PTPRO: variants seen among roughly 807,000 people sequenced by gnomAD.
The protein encoded by PTPRO is receptor-type tyrosine-protein phosphatase O.
Under a neutral mutation model 145.2 loss-of-function variants are expected in PTPRO, and 62 were observed. That is an observed-to-expected ratio of 0.43 (90% confidence interval 0.35 to 0.53). PTPRO has a LOEUF of 0.53. PTPRO is among the 20% of genes least tolerant of loss of function. The probability of loss-of-function intolerance (pLI) is 0.01; values close to 1 mark genes in which losing one functional copy is unlikely to be tolerated. For missense variants in PTPRO, 1,345 were observed against 1,482.7 expected (o/e 0.91, Z 1.53); for synonymous variants, 565 against 514.7 (o/e 1.10, Z -1.32).
intron 1 of PTPRO, among the ~76,000 whole-genome samples, chr12:15,354,981 AT>A (rs1937938383): frequency 6.6e-6 from 1 of 152,080 alleles, no homozygotes; most frequent in Middle Eastern, 3.4e-3. Flanking sequence ...CCCCCAATAC[AT>A]TTTCCCCTGG....
At position 15,403,464 on chromosome 12, in the gene PTPRO, T is replaced by A. The variant is rs139162461; in HGVS notation, c.76-80510T>A. ...CGGGCGTGGTGGCACACACCTGTAGTCCCAGATACTCTGGAGGCTGAGTCA... is the reference window on the plus strand; with the variant it reads ...CGGGCGTGGTGGCACACACCTGTAGACCCAGATACTCTGGAGGCTGAGTCA... On this transcript the variant is annotated intron_variant, in intron 1 of 26. Coordinates refer to ENST00000281171, the MANE Select transcript of PTPRO (RefSeq NM_030667.3). 8.6e-3 allele frequency among the ~76,000 whole-genome samples: 1,314 copies of A among 152,158 alleles called. 22 individuals are homozygous for A. Among genetic ancestry groups the A allele is most frequent in the African/African-American group, 0.03 (1,258 of 41,508 alleles).
At chr12:15,470,821 G>A (rs1009315987) in intron 1 of PTPRO, among the ~76,000 whole-genome samples, 1 of 152,218 alleles carries the variant, frequency 6.6e-6, no homozygotes, top group African/African-American at 2.4e-5. Context: ...ATGAGTAATG[G>A]TCAAGGAAAT....
At chr12:15,383,333 C>CATAT (rs56786902) in intron 1 of PTPRO, among the ~76,000 whole-genome samples, 2,610 of 152,114 alleles carry the variant, frequency 0.017, 47 homozygotes, top group South Asian at 0.084. Flanking sequence ...TATTCCATTG[C>CATAT]ATATATATAC....
intron 1 of PTPRO, among the ~76,000 whole-genome samples, chr12:15,462,558 G>A (rs1565644115): frequency 6.6e-6 from 1 of 152,120 alleles, no homozygotes; most frequent in African/African-American, 2.4e-5. Context: ...CTCTGTGAGG[G>A]CTGAGACCAG....
Position 15,524,805 on chromosome 12 carries a change from C to A in PTPRO, c.1892-9C>A. 6.2e-7 allele frequency: 1 copy of A among 1,610,886 alleles called. No individual in the cohort carries two copies. Among genetic ancestry groups the A allele is most frequent in the East Asian group, 2.2e-5 (1 of 44,824 alleles). On this transcript the variant is annotated splice_polypyrimidine_tract_variant and intron_variant, in intron 10 of 26. Transcript: ENST00000281171. ...TTATACTAAATTGTGCCTCGTTTCT[C>A]CCTTGTAGCCCCAGTGGCTCCGGAA...
intron 12 of PTPRO, among the ~76,000 whole-genome samples, chr12:15,536,840 A>T (rs1943075463): frequency 6.6e-6 from 1 of 152,204 alleles, no homozygotes. Flanking sequence ...CATTTTTGAT[A>T]AATTACATGG....
intron 1 of PTPRO, among the ~76,000 whole-genome samples, chr12:15,342,250 G>A (rs1867019289): frequency 6.6e-6 from 1 of 152,006 alleles, no homozygotes. Flanking sequence ...TCTGTCTAAT[G>A]GCAACTATTT....
intron 1 of PTPRO, among the ~76,000 whole-genome samples, chr12:15,338,299 G>A (rs1165516341): frequency 1.3e-5 from 2 of 152,136 alleles, no homozygotes; most frequent in African/African-American, 2.4e-5. Context: ...GTATGTGTGT[G>A]TGGCACTCTG....
At chr12:15,433,498 A>T (rs1008951366) in intron 1 of PTPRO, among the ~76,000 whole-genome samples, 1 of 152,152 alleles carries the variant, frequency 6.6e-6, no homozygotes, top group Non-Finnish European at 1.5e-5. Flanking sequence ...TAGGCTTTAC[A>T]TTTAAGTCTT....
At chr12:15,422,265 TC>T (rs1433972603) in intron 1 of PTPRO, among the ~76,000 whole-genome samples, 1 of 152,162 alleles carries the variant, frequency 6.6e-6, no homozygotes, top group Non-Finnish European at 1.5e-5. Context: ...AACCAGGTTT[TC>T]TTGTTTTTTG....
chr12:15,526,477 G>A (rs901448519), intron 12 of PTPRO, among the ~76,000 whole-genome samples: 3 of 152,088 alleles, frequency 2.0e-5, no homozygotes, highest in Non-Finnish European at 4.4e-5. Flanking sequence ...AGTGGTGTTC[G>A]CTGTTCTTTG....
chr12:15,464,571 G>A (rs983218415), intron 1 of PTPRO, among the ~76,000 whole-genome samples: 2 of 150,782 alleles, frequency 1.3e-5, no homozygotes, highest in Admixed American at 6.6e-5. Flanking sequence ...CACCATCTTG[G>A]CCAGGCAGGT....
At chr12:15,335,906 A>G (rs898891653) in intron 1 of PTPRO, among the ~76,000 whole-genome samples, 19 of 152,186 alleles carry the variant, frequency 1.2e-4, no homozygotes, top group African/African-American at 4.6e-4. Context: ...GAAACTAATG[A>G]GAATCTTTCC....
chr12:15,527,209 GA>G (rs774317987), intron 12 of PTPRO, among the ~76,000 whole-genome samples: 11 of 152,170 alleles, frequency 7.2e-5, no homozygotes, highest in Non-Finnish European at 1.2e-4. Context: ...ATAGAGAAGT[GA>G]AAATACTCTG....
At chr12:15,362,152 A>T (rs1405122727) in intron 1 of PTPRO, among the ~76,000 whole-genome samples, 1 of 152,200 alleles carries the variant, frequency 6.6e-6, no homozygotes, top group African/African-American at 2.4e-5. Context: ...GGATGTTGCC[A>T]TTGCTGAAGC....
At position 15,580,123 on chromosome 12, in the gene PTPRO, G is replaced by GA. The variant is rs751345733; in HGVS notation, c.2997+18dup. 2.2e-3 allele frequency: 3,379 copies of GA among 1,510,304 alleles called. 1 individual carries two copies. Among genetic ancestry groups the GA allele is most frequent in the East Asian group, 5.9e-3 (246 of 42,008 alleles). 93.6% of individuals were successfully genotyped at this position (1,510,304 alleles called of 1,614,324 possible). ...AATGCCAACTATATTCCTGTAAGTA[G>GA]AAAAAAAAAATCAGGCATCCCAAAG... On this transcript the variant is annotated intron_variant, in intron 21 of 26. Transcript: ENST00000281171.
chr12:15,528,961 A>G (rs1380627306), intron 12 of PTPRO, among the ~76,000 whole-genome samples: 1 of 152,222 alleles, frequency 6.6e-6, no homozygotes, highest in Non-Finnish European at 1.5e-5. Flanking sequence ...CAGAAAAACA[A>G]AAGATGAAAG....
chr12:15,549,646 G>T (rs1232834961), intron 14 of PTPRO, among the ~76,000 whole-genome samples: 2 of 152,148 alleles, frequency 1.3e-5, no homozygotes, highest in African/African-American at 2.4e-5. Flanking sequence ...AAGCAAGAAA[G>T]TTTCCAATCC....
At chr12:15,535,015 C>T (rs936752036) in intron 12 of PTPRO, among the ~76,000 whole-genome samples, 5 of 152,024 alleles carry the variant, frequency 3.3e-5, no homozygotes, top group South Asian at 2.1e-4. Flanking sequence ...CTTTCTGATA[C>T]GGCAGAAACA....
Sources: gnomAD v4.1 joint callset for allele counts (sites outside exome capture counted in the v4.1 genomes callset) on GRCh38, gnomAD v4.1.1 for gene constraint, MANE v1.5 for transcripts, NCBI Gene and HGNC (gene_info 2026-07-23, HGNC 2026-07-21) for gene names.